ADAMTSL1: variants seen among roughly 807,000 people sequenced by gnomAD.
The protein encoded by ADAMTSL1 is ADAMTS-like protein 1.
Under a neutral mutation model 201.8 loss-of-function variants are expected in ADAMTSL1, and 126 were observed. The ratio of observed to expected loss-of-function variants is 0.62; its 90% CI spans 0.54 to 0.72. The LOEUF is 0.72. ADAMTSL1 is among the 30% of genes least tolerant of loss of function. The pLI is 0.00. For synonymous variants in ADAMTSL1, 1,121 were observed against 903.4 expected (o/e 1.24, Z -4.32); for missense variants, 2,679 against 2,277.8 (o/e 1.18, Z -3.59).
intron 19 of ADAMTSL1, among the ~76,000 whole-genome samples, chr9:18,781,811 G>A (rs1433727035): frequency 2.0e-5 from 3 of 152,226 alleles, no homozygotes; most frequent in Non-Finnish European, 2.9e-5. Context: ...CAAATAGCAT[G>A]AGCCAGCAAG....
chr9:18,782,995 G>A (rs1042541679), intron 19 of ADAMTSL1, among the ~76,000 whole-genome samples: 10 of 152,174 alleles, frequency 6.6e-5, no homozygotes, highest in Non-Finnish European at 7.3e-5. Context: ...GAAGAATTTG[G>A]AGGATGTTAA....
intron 1 of ADAMTSL1, among the ~76,000 whole-genome samples, chr9:18,037,465 T>G (rs973586281): frequency 6.6e-6 from 1 of 152,222 alleles, no homozygotes; most frequent in African/African-American, 2.4e-5. Flanking sequence ...ATTGCTTAAC[T>G]TCTTAGAGAC....
At chr9:18,681,696 G>GAGA in intron 11 of ADAMTSL1, 116 bp from the exon 12 acceptor site, 1 of 664,856 alleles carries the variant, frequency 1.5e-6, no homozygotes, top group East Asian at 3.6e-5. Context: ...GAGTCCTCGT[G>GAGA]TGGGGGGGGG....
At chr9:18,629,234 A>G (rs1176967012) in intron 5 of ADAMTSL1, among the ~76,000 whole-genome samples, 1 of 147,190 alleles carries the variant, frequency 6.8e-6, no homozygotes, top group Non-Finnish European at 1.5e-5. Context: ...TTTGTAAGCC[A>G]CTTTTTTTTT....
intron 1 of ADAMTSL1, among the ~76,000 whole-genome samples, chr9:18,090,536 A>G (rs1823965422): frequency 6.6e-6 from 1 of 152,200 alleles, no homozygotes; most frequent in African/African-American, 2.4e-5. Flanking sequence ...TGAGGTACCC[A>G]GAGTAGTAAA....
intron 1 of ADAMTSL1, among the ~76,000 whole-genome samples, chr9:18,078,708 C>T (rs1387905863): frequency 6.6e-6 from 1 of 152,150 alleles, no homozygotes; most frequent in Non-Finnish European, 1.5e-5. Context: ...TATTCTGTTT[C>T]TCTGGTTACC....
In ADAMTSL1 at chr9:18,312,022, T is replaced by G. The variant is rs374431354; in HGVS notation, c.207+148041T>G. 5.3e-5 allele frequency among the ~76,000 whole-genome samples: 8 copies of G among 152,248 alleles called. No homozygotes were observed. The South Asian group carries it at 6.2e-4, about 12-fold the overall frequency. On this transcript the variant is annotated intron_variant, in intron 2 of 29. Coordinates refer to the ADAMTSL1 transcript ENST00000680146. ...CTAATGATAAAACAGCAATTAAAGT[T>G]CCAGTTCCCACAGAGCTTACATCCT... is the stretch of plus-strand genomic sequence containing the variant.
In ADAMTSL1 at chr9:18,776,838, A is replaced by G. The variant is rs1563790344; in HGVS notation, c.2609A>G (p.Tyr870Cys). ...SPHIAAARKV[Y>C]IQTRRQRKLH... ...CACATCGCGGCCGCCAGGAAGGTCT[A>G]CATACAGACTCGCAGGCAGAGGAAG... The change falls in exon 19 of 29, where the codon TAC becomes TGC. Residue 870 changes from tyrosine (Y) to cysteine (C), a missense_variant. Tyr to Cys is a radical substitution (Grantham distance 194, BLOSUM62 -2). Coordinates refer to ENST00000380548, the MANE Select transcript of ADAMTSL1 (RefSeq NM_001040272.6). The G allele has an allele frequency of 6.3e-7, 1 of 1,596,548 alleles. No individual in the cohort carries two copies. Among genetic ancestry groups the G allele is most frequent in the Non-Finnish European group, 8.5e-7 (1 of 1,171,950 alleles).
At chr9:18,102,821 A>G (rs1431799174) in intron 1 of ADAMTSL1, among the ~76,000 whole-genome samples, 1 of 152,196 alleles carries the variant, frequency 6.6e-6, no homozygotes, top group Non-Finnish European at 1.5e-5. Flanking sequence ...AGCTTTGTGG[A>G]TACAGGGAGT....
At chr9:18,104,041 A>T (rs1184009483) in intron 1 of ADAMTSL1, among the ~76,000 whole-genome samples, 1 of 152,246 alleles carries the variant, frequency 6.6e-6, no homozygotes, top group South Asian at 2.1e-4. Flanking sequence ...GTGTGTGCAC[A>T]TATACAATTA....
intron 1 of ADAMTSL1, among the ~76,000 whole-genome samples, chr9:18,052,161 A>G (rs1821968392): frequency 6.6e-6 from 1 of 152,250 alleles, no homozygotes; most frequent in South Asian, 2.1e-4. Context: ...TCAATGAGTC[A>G]GTCAACAAAT....
In ADAMTSL1 at chr9:18,831,425, A is replaced by G. The variant is rs16937134; in HGVS notation, c.4249+1448A>G. On this transcript the variant is annotated intron_variant, in intron 23 of 28. Coordinates refer to ENST00000380548, the MANE Select transcript of ADAMTSL1 (RefSeq NM_001040272.6). ...GCCTGGTCACAAGCAGGGTGGCAGCAATTGTTTATTTTCAAGTTCAGTAAC... is the reference window on the plus strand; with the variant it reads ...GCCTGGTCACAAGCAGGGTGGCAGCGATTGTTTATTTTCAAGTTCAGTAAC... Among the ~76,000 whole-genome samples, 875 of 152,302 alleles carry G rather than the reference A, an allele frequency of 5.7e-3. 9 individuals carry two copies. The highest frequency in any genetic ancestry group is 0.02 in the African/African-American group (818 of 41,562).
intron 2 of ADAMTSL1, among the ~76,000 whole-genome samples, chr9:18,300,873 T>A (rs1833682941): frequency 6.6e-6 from 1 of 152,168 alleles, no homozygotes; most frequent in South Asian, 2.1e-4. Flanking sequence ...TATATATTAT[T>A]TGATAGTTTT....
chr9:18,350,334 G>C (rs1017411049), intron 2 of ADAMTSL1, among the ~76,000 whole-genome samples: 11 of 151,966 alleles, frequency 7.2e-5, no homozygotes, highest in Non-Finnish European at 1.5e-4. Flanking sequence ...CTAAGGGCAG[G>C]GGGGAAAAAG....
chr9:18,276,528 TC>T (rs1437644269), intron 2 of ADAMTSL1, among the ~76,000 whole-genome samples: 1 of 152,196 alleles, frequency 6.6e-6, no homozygotes, highest in Admixed American at 6.5e-5. Context: ...CCATTTTGCA[TC>T]TCTATAAGGG....
At chr9:18,091,443 C>G (rs1587023484) in intron 1 of ADAMTSL1, among the ~76,000 whole-genome samples, 1 of 152,056 alleles carries the variant, frequency 6.6e-6, no homozygotes, top group South Asian at 2.1e-4. Context: ...TCTGGCTGTG[C>G]CCTTCTGCGA....
chr9:18,144,243 C>G (rs191271928), intron 1 of ADAMTSL1, among the ~76,000 whole-genome samples: 9 of 152,072 alleles, frequency 5.9e-5, no homozygotes, highest in Non-Finnish European at 1.2e-4. Flanking sequence ...GAGTGTCCCT[C>G]TTGCTCAGGC....
chr9:18,455,390 G>T (rs1024741859), intron 2 of ADAMTSL1, among the ~76,000 whole-genome samples: 1 of 152,024 alleles, frequency 6.6e-6, no homozygotes, highest in Non-Finnish European at 1.5e-5. Context: ...TTCTCCCTTT[G>T]CTCATATGTT....
At chr9:18,087,874 T>G (rs1823836303) in intron 1 of ADAMTSL1, among the ~76,000 whole-genome samples, 1 of 152,150 alleles carries the variant, frequency 6.6e-6, no homozygotes, top group South Asian at 2.1e-4. Context: ...GTCCTTTGGA[T>G]GAAATAGAAA....
Sources: allele counts gnomAD v4.1 joint callset (sites outside exome capture counted in the v4.1 genomes callset), GRCh38; gene constraint gnomAD v4.1.1; transcripts MANE v1.5; gene names NCBI Gene and HGNC (gene_info 2026-07-23, HGNC 2026-07-21).